AGAP1: variants seen among roughly 807,000 people sequenced by gnomAD.
AGAP1 encodes arf-GAP with GTPase, ANK repeat and PH domain-containing protein 1.
Under a neutral mutation model 105.3 loss-of-function variants are expected in AGAP1, and 29 were observed. The ratio of observed to expected loss-of-function variants is 0.28; its 90% CI spans 0.21 to 0.38. The LOEUF is 0.38. AGAP1 is among the 10% of genes least tolerant of loss of function. The pLI, the probability that AGAP1 is intolerant of heterozygous loss-of-function variation, is 1.00. For synonymous variants in AGAP1, 509 were observed against 485.9 expected (o/e 1.05, Z -0.63); for missense variants, 998 against 1,165.1 (o/e 0.86, Z 2.09).
In AGAP1 at chr2:235,883,575, G is replaced by T. The variant is rs890000809; in HGVS notation, c.1155+126G>T. The T allele has an allele frequency of 1.1e-5, 8 of 704,484 alleles. No homozygotes were observed. Among genetic ancestry groups the T allele is most frequent in the Non-Finnish European group, 1.9e-5 (8 of 413,214 alleles). 43.6% of individuals were successfully genotyped at this position (704,484 alleles called of 1,614,324 possible). ...AAGTGAAAGTCGTATTTGGTCTCCTGCTCAACTGTGAGATAAATAACCCTG... is the reference window on the plus strand; with the variant it reads ...AAGTGAAAGTCGTATTTGGTCTCCTTCTCAACTGTGAGATAAATAACCCTG... On this transcript the variant is annotated intron_variant, in intron 10 of 17. Coordinates refer to ENST00000304032, the MANE Select transcript of AGAP1 (RefSeq NM_001037131.3). This position sits in a 1 kb window ranked among gnomAD's most constrained non-coding sequence, Gnocchi z 4.5.
rs373557798 is a variant in AGAP1, at chr2:235,873,414, C to T, written c.1051-9931C>T. 3.0e-4 allele frequency among the ~76,000 whole-genome samples: 45 copies of T among 152,284 alleles called. 1 individual carries two copies. The highest frequency in any genetic ancestry group is 8.4e-4 in the African/African-American group (35 of 41,568). On this transcript the variant is annotated intron_variant, in intron 9 of 17. Coordinates refer to ENST00000304032, the MANE Select transcript of AGAP1 (RefSeq NM_001037131.3). ...ACTCATCAGAGAGCTTCTGTCTCAT[C>T]GTACTTTTGAGGAACAGCCTTTTAA... is the stretch of plus-strand genomic sequence containing the variant.
rs1489138913 is a variant in AGAP1 at position 236,129,070 on chromosome 2, G to C, written c.*4948G>C. On this transcript the variant is annotated 3_prime_UTR_variant, in exon 18 of 18. Coordinates refer to ENST00000304032, the MANE Select transcript of AGAP1 (RefSeq NM_001037131.3). The surrounding 1 kb of genome is among the most constrained non-coding windows in gnomAD (Gnocchi z 6.2). ...TTGTGAAGTCACATCTTGAATGACT[G>C]TCACCCTCATCCTTCCCCAAAAAGC... 1 of 152,216 alleles carries C rather than the reference G, an allele frequency of 6.6e-6. No homozygotes were observed. The highest frequency in any genetic ancestry group is 1.5e-5 in the Non-Finnish European group (1 of 68,042). 9.4% of individuals were successfully genotyped at this position (152,216 alleles called of 1,614,324 possible).
Position 236,114,013 on chromosome 2 carries a change from C to T in AGAP1, c.2115-6179C>T, listed in dbSNP as rs762135982. Reference sequence around the variant, plus strand: ...AGTCGCCCATTCCCTCATTTTCCCTCACTCTCCTGCGGCTGATTTATTTAA... The same window carrying T: ...AGTCGCCCATTCCCTCATTTTCCCTTACTCTCCTGCGGCTGATTTATTTAA... On this transcript the variant is annotated intron_variant, in intron 16 of 17. Coordinates refer to ENST00000304032, the MANE Select transcript of AGAP1 (RefSeq NM_001037131.3). This position sits in a 1 kb window ranked among gnomAD's most constrained non-coding sequence, Gnocchi z 5.0. Among the ~76,000 whole-genome samples the T allele has an allele frequency of 9.2e-5, 14 of 152,190 alleles. No homozygotes were observed. Among genetic ancestry groups the T allele is most frequent in the Non-Finnish European group, 1.9e-4 (13 of 68,042 alleles).
At chr2:235,952,567 A>T (rs886536878) in intron 12 of AGAP1, among the ~76,000 whole-genome samples, 1 of 152,188 alleles carries the variant, frequency 6.6e-6, no homozygotes, top group Non-Finnish European at 1.5e-5. Context: ...GGATTGGATT[A>T]GTGTGAAGTG....
rs970917047 is a variant in AGAP1, at chr2:235,582,276, C to G, written c.163+87427C>G. ...CCAGGAGTGTGCTGAGTCTTTCTAC[C>G]CCGCTGCGTGGTGCTGCCTGCCGAG... On this transcript the variant is annotated intron_variant, in intron 1 of 17. Coordinates refer to ENST00000304032, the MANE Select transcript of AGAP1 (RefSeq NM_001037131.3). The surrounding 1 kb of genome is among the most constrained non-coding windows in gnomAD (Gnocchi z 4.7). Among the ~76,000 whole-genome samples, 6 of 152,094 alleles carry G rather than the reference C, an allele frequency of 3.9e-5. No individual in the cohort carries two copies. The highest frequency in any genetic ancestry group is 3.3e-4 in the Admixed American group (5 of 15,274).
At chr2:235,914,404 G>A (rs2051771596) in intron 11 of AGAP1, among the ~76,000 whole-genome samples, 1 of 152,050 alleles carries the variant, frequency 6.6e-6, no homozygotes, top group South Asian at 2.1e-4. Context: ...TCAAGTGGGG[G>A]TGGAGGAGTC....
In AGAP1 at chr2:236,101,407, C is replaced by T. The variant is rs912581328; in HGVS notation, c.2115-18785C>T. Among the ~76,000 whole-genome samples, 2 of 152,124 alleles carry T rather than the reference C, an allele frequency of 1.3e-5. No individual in the cohort carries two copies. The highest frequency in any genetic ancestry group is 2.9e-5 in the Non-Finnish European group (2 of 68,020). ...CTGCAGCTTTTTCTGAATGTGTCGC[C>T]GTGTCATAGCCTGCGACCTTCTCTT... On this transcript the variant is annotated intron_variant, in intron 16 of 17. Coordinates refer to ENST00000304032, the MANE Select transcript of AGAP1 (RefSeq NM_001037131.3). This position sits in a 1 kb window ranked among gnomAD's most constrained non-coding sequence, Gnocchi z 4.9.
intron 12 of AGAP1, among the ~76,000 whole-genome samples, chr2:235,939,066 A>G (rs2053128749): frequency 6.6e-6 from 1 of 152,114 alleles, no homozygotes; most frequent in African/African-American, 2.4e-5. Context: ...ATAGGACAAA[A>G]TCTGATCCTG....
Position 235,727,259 on chromosome 2 carries a change from A to T in AGAP1, c.310+9615A>T, listed in dbSNP as rs1013964336. ...TAGACTAGGGCTGGGCAGAAGGTGG[A>T]CTCCAGAAAAGGCCGGGAGGCAAGT... On this transcript the variant is annotated intron_variant, in intron 3 of 17. Transcript: ENST00000304032. 2.1e-4 allele frequency among the ~76,000 whole-genome samples: 32 copies of T among 150,574 alleles called. 1 individual carries two copies. Among genetic ancestry groups the T allele is most frequent in the Admixed American group, 1.9e-3 (29 of 15,050 alleles).
chr2:235,635,885 C>A lies in AGAP1; in HGVS notation c.164-73294C>A, dbSNP rs1355771466. On this transcript the variant is annotated intron_variant, in intron 1 of 17. Transcript: ENST00000304032. This position sits in a 1 kb window ranked among gnomAD's most constrained non-coding sequence, Gnocchi z 5.3. ...ATCCCAGCACTTTGGGAGGCTGAGG[C>A]AGGTGGATCTTGAGGTCAGGAGTTC... Among the ~76,000 whole-genome samples, 1 of 151,994 alleles carries A rather than the reference C, an allele frequency of 6.6e-6. No individual in the cohort carries two copies. Among genetic ancestry groups the A allele is most frequent in the East Asian group, 1.9e-4 (1 of 5,166 alleles).
chr2:236,081,266 C>T (rs574600683), intron 16 of AGAP1, among the ~76,000 whole-genome samples: 1 of 152,190 alleles, frequency 6.6e-6, no homozygotes, highest in Admixed American at 6.5e-5. Flanking sequence ...CCTGTCCTGC[C>T]ACAACACTGA....
intron 16 of AGAP1, among the ~76,000 whole-genome samples, chr2:236,107,419 C>G (rs768296523): frequency 6.6e-6 from 1 of 152,172 alleles, no homozygotes; most frequent in Non-Finnish European, 1.5e-5. Flanking sequence ...TCCCACATCT[C>G]CTTTTTGCGC....
intron 10 of AGAP1, among the ~76,000 whole-genome samples, chr2:235,894,292 C>T (rs1370035752): frequency 2.0e-5 from 3 of 152,062 alleles, no homozygotes; most frequent in East Asian, 1.9e-4. Flanking sequence ...TTCTTGGGAC[C>T]GAAGAGATAA....
At chr2:236,025,458 A>G (rs897374604) in intron 13 of AGAP1, among the ~76,000 whole-genome samples, 2 of 152,206 alleles carry the variant, frequency 1.3e-5, no homozygotes, top group African/African-American at 4.8e-5. Context: ...ATCATCTGCT[A>G]AAAATTCTTC....
At position 236,104,704 on chromosome 2, in the gene AGAP1, C is replaced by T. The variant is rs1388793098; in HGVS notation, c.2115-15488C>T. Reference sequence around the variant, plus strand: ...AGGAGGTCAAGTCTAGCCTGGCCAACATGGTGAAACCCCGTCTCTACCAAA... The same window carrying T: ...AGGAGGTCAAGTCTAGCCTGGCCAATATGGTGAAACCCCGTCTCTACCAAA... On this transcript the variant is annotated intron_variant, in intron 16 of 17. Transcript: ENST00000304032. The surrounding 1 kb of genome is among the most constrained non-coding windows in gnomAD (Gnocchi z 4.7). 7.9e-5 allele frequency among the ~76,000 whole-genome samples: 12 copies of T among 152,210 alleles called. No homozygotes were observed. Among genetic ancestry groups the T allele is most frequent in the Admixed American group, 1.3e-4 (2 of 15,286 alleles).
intron 14 of AGAP1, chr2:236,037,331 TAAA>T (rs1487327296): frequency 6.6e-6 from 1 of 152,036 alleles, no homozygotes; most frequent in African/African-American, 2.4e-5. Context: ...GTTTCTATAT[TAAA>T]AAAATAATGA....
At chr2:235,762,406 C>G (rs940988016) in intron 6 of AGAP1, among the ~76,000 whole-genome samples, 4 of 151,638 alleles carry the variant, frequency 2.6e-5, no homozygotes, top group Non-Finnish European at 5.9e-5. Context: ...CCGAGCAGAT[C>G]AGGGGCATCC....
chr2:235,952,951 C>T (rs938890794), intron 12 of AGAP1, among the ~76,000 whole-genome samples: 2 of 152,174 alleles, frequency 1.3e-5, no homozygotes, highest in Non-Finnish European at 1.5e-5. Flanking sequence ...GACCTCCAGC[C>T]GGTTGACTGG....
At chr2:235,562,903 A>G in intron 1 of AGAP1, among the ~76,000 whole-genome samples, 1 of 152,052 alleles carries the variant, frequency 6.6e-6, no homozygotes, top group South Asian at 2.1e-4. Flanking sequence ...TTTAAAAAAT[A>G]CAAAAAAATT....
Sources: gnomAD v4.1 joint callset for allele counts (sites outside exome capture counted in the v4.1 genomes callset) on GRCh38, gnomAD v4.1.1 for gene constraint, Gnocchi (gnomAD v3.1) non-coding constraint, MANE v1.5 for transcripts, NCBI Gene and HGNC (gene_info 2026-07-23, HGNC 2026-07-21) for gene names.